The following SNX24 variants were observed in gnomAD, a reference collection of about 807,000 sequenced individuals.
The protein encoded by SNX24 is sorting nexin 24.
Under a neutral mutation model 28.7 loss-of-function variants are expected in SNX24, and 22 were observed. That is an observed-to-expected ratio of 0.77 (90% confidence interval 0.55 to 1.10). The LOEUF is 1.10. Among genes scored for constraint, SNX24 ranks in the 50% least tolerant of loss-of-function variants. The probability of loss-of-function intolerance (pLI) is 0.00; values close to 1 mark genes in which losing one functional copy is unlikely to be tolerated. For synonymous variants in SNX24, 69 were observed against 71.5 expected (o/e 0.96, Z 0.18); for missense variants, 221 against 201.1 (o/e 1.10, Z -0.60).
intron 1 of SNX24, among the ~76,000 whole-genome samples, chr5:122,920,600 A>G (rs1000906287): frequency 6.6e-6 from 1 of 152,232 alleles, no homozygotes; most frequent in East Asian, 1.9e-4. Flanking sequence ...ATACGCAAGT[A>G]GAATGCTAAG....
chr5:122,919,571 GT>G (rs397999139), intron 1 of SNX24, among the ~76,000 whole-genome samples: 82 of 143,620 alleles, frequency 5.7e-4, no homozygotes, highest in Non-Finnish European at 6.6e-4. Flanking sequence ...AGTCATTTTA[GT>G]TTTTTTTTTT....
At chr5:122,980,201 A>G (rs1246582933) in intron 3 of SNX24, among the ~76,000 whole-genome samples, 2 of 152,172 alleles carry the variant, frequency 1.3e-5, no homozygotes, top group Non-Finnish European at 2.9e-5. Flanking sequence ...TTTGCAATTT[A>G]TAATTTTAAA....
At chr5:122,981,532 A>G (rs1398596626) in intron 3 of SNX24, among the ~76,000 whole-genome samples, 3 of 152,254 alleles carry the variant, frequency 2.0e-5, no homozygotes, top group Non-Finnish European at 4.4e-5. Flanking sequence ...CCATCAGTAC[A>G]ATATAGTTTT....
chr5:122,851,457 A>G (rs1260561880), intron 1 of SNX24, among the ~76,000 whole-genome samples: 4 of 151,986 alleles, frequency 2.6e-5, no homozygotes, highest in African/African-American at 9.7e-5. Context: ...ATGAGCCACC[A>G]CACCCAGACT....
intron 1 of SNX24, among the ~76,000 whole-genome samples, chr5:122,899,852 G>A (rs1327299022): frequency 6.6e-6 from 1 of 152,182 alleles, no homozygotes; most frequent in Non-Finnish European, 1.5e-5. Flanking sequence ...TTAAAGGAGA[G>A]TTGGGGAAAG....
At chr5:123,002,232 G>A (rs941208260) in intron 6 of SNX24, 3 of 556,030 alleles carry the variant, frequency 5.4e-6, no homozygotes, top group Non-Finnish European at 9.6e-6. Flanking sequence ...TTGAATTAGA[G>A]TAATAAGGAA....
chr5:122,909,776 T>C (rs112047845), intron 1 of SNX24, among the ~76,000 whole-genome samples: 1 of 152,324 alleles, frequency 6.6e-6, no homozygotes, highest in African/African-American at 2.4e-5. Flanking sequence ...CGTGTCTCTT[T>C]TGCTGCCCAC....
rs1044547725 is a variant in SNX24 at position 122,865,719 on chromosome 5, G to A, written c.60+20026G>A. 3.3e-5 allele frequency among the ~76,000 whole-genome samples: 5 copies of A among 152,258 alleles called. No individual in the cohort carries two copies. In the East Asian group the frequency reaches 9.7e-4, roughly 29 times the overall value. On this transcript the variant is annotated intron_variant, in intron 1 of 6. Coordinates refer to ENST00000261369, the MANE Select transcript of SNX24 (RefSeq NM_014035.4). ...CATGATGAGGATGGAGGTGAGAGGA[G>A]GCAGGTTCTCTAACACACTATTGGT...
chr5:122,997,234 T>G (rs1330941732), intron 3 of SNX24, among the ~76,000 whole-genome samples: 1 of 152,230 alleles, frequency 6.6e-6, no homozygotes. Context: ...CCTGCCCACA[T>G]AACTAAATGC....
At chr5:123,014,587 C>G (rs1762649709) in intron 5 of SNX24, among the ~76,000 whole-genome samples, 2 of 152,060 alleles carry the variant, frequency 1.3e-5, no homozygotes, top group Non-Finnish European at 2.9e-5. Context: ...TTGATTAAAC[C>G]AAGCTCCATG....
chr5:122,936,754 A>G lies in SNX24; in HGVS notation c.81A>G (p.Leu27=). Residue 27 remains leucine, a synonymous_variant, in exon 2 of 7, where the codon CTA becomes CTG. Coordinates refer to ENST00000261369, the MANE Select transcript of SNX24 (RefSeq NM_014035.4). Reference sequence around the variant, plus strand: ...CTCAGGTGTTTAAGATAGAAGTGCTAATGAATGGAAGAAAACATTTTGTTG... The same window carrying G: ...CTCAGGTGTTTAAGATAGAAGTGCTGATGAATGGAAGAAAACATTTTGTTG... ...RGYTVFKIEV[L]MNGRKHFVEK... 6.2e-7 allele frequency: 1 copy of G among 1,601,146 alleles called. No individual in the cohort carries two copies. The highest frequency in any genetic ancestry group is 8.6e-7 in the Non-Finnish European group (1 of 1,169,528).
At chr5:122,958,642 T>C (rs1760324123) in intron 3 of SNX24, among the ~76,000 whole-genome samples, 1 of 152,218 alleles carries the variant, frequency 6.6e-6, no homozygotes, top group African/African-American at 2.4e-5. Flanking sequence ...GATTGATGCT[T>C]ATATGTAGAA....
At chr5:122,925,444 T>C (rs1447177198) in intron 1 of SNX24, among the ~76,000 whole-genome samples, 1 of 151,414 alleles carries the variant, frequency 6.6e-6, no homozygotes, top group African/African-American at 2.4e-5. Flanking sequence ...AAATTATTAT[T>C]TGTAGAAATG....
At chr5:122,967,328 C>A (rs1344789635) in intron 3 of SNX24, among the ~76,000 whole-genome samples, 1 of 152,180 alleles carries the variant, frequency 6.6e-6, no homozygotes, top group Non-Finnish European at 1.5e-5. Flanking sequence ...GTAAGCCTAT[C>A]TGTAAAATAC....
At chr5:122,891,050 CT>C in intron 1 of SNX24, 1 of 1,526,696 alleles carries the variant, frequency 6.6e-7, no homozygotes, top group South Asian at 1.3e-5. Flanking sequence ...GGCATAGAGC[CT>C]TCCAGACAAA....
At chr5:122,988,386 A>C (rs1477661588) in intron 3 of SNX24, among the ~76,000 whole-genome samples, 1 of 152,198 alleles carries the variant, frequency 6.6e-6, no homozygotes, top group Non-Finnish European at 1.5e-5. Context: ...TATCTCCCTC[A>C]AACTCAGCTA....
chr5:122,909,696 C>G (rs1413682994), intron 1 of SNX24, among the ~76,000 whole-genome samples: 2 of 152,130 alleles, frequency 1.3e-5, no homozygotes, highest in African/African-American at 2.4e-5. Context: ...TTTGTAGCTC[C>G]CATTTAAGTC....
chr5:122,908,626 T>C (rs1000424668), intron 1 of SNX24, among the ~76,000 whole-genome samples: 7 of 152,236 alleles, frequency 4.6e-5, no homozygotes, highest in African/African-American at 7.2e-5. Context: ...GATGAAAATA[T>C]TGTATTTCTA....
At chr5:122,935,691 T>C (rs1197083945) in intron 1 of SNX24, among the ~76,000 whole-genome samples, 1 of 150,704 alleles carries the variant, frequency 6.6e-6, no homozygotes, top group African/African-American at 2.5e-5. Context: ...GCAATCTATT[T>C]TCATAATGAA....
Sources: gnomAD v4.1 joint callset for allele counts (sites outside exome capture counted in the v4.1 genomes callset) on GRCh38, gnomAD v4.1.1 for gene constraint, MANE v1.5 for transcripts, NCBI Gene and HGNC (gene_info 2026-07-23, HGNC 2026-07-21) for gene names.